The following JPH2 variants were observed in gnomAD, a reference collection of about 807,000 sequenced individuals.
JPH2 encodes junctophilin 2.
A neutral mutation model predicts 55.9 loss-of-function variants in JPH2; 38 were observed. That is an observed-to-expected ratio of 0.68 (90% CI 0.52 to 0.89). The LOEUF (loss-of-function observed/expected upper bound fraction) is 0.89, where lower values mean the gene tolerates loss of function less well. JPH2 is among the 40% of genes least tolerant of loss of function. JPH2 has a pLI of 0.00. For synonymous variants in JPH2, 480 were observed against 472.4 expected (o/e 1.02, Z -0.21); for missense variants, 964 against 1,037.6 (o/e 0.93, Z 0.97).
At chr20:44,114,005 G>A (rs2072166672) in intron 5 of JPH2, among the ~76,000 whole-genome samples, 1 of 152,222 alleles carries the variant, frequency 6.6e-6, no homozygotes, top group East Asian at 1.9e-4. Context: ...GATCAAAAAA[G>A]GGGGCCTGAG....
chr20:44,118,574 C>T lies in JPH2; in HGVS notation c.1219G>A (p.Ala407Thr). Reference protein sequence around the residue: ...KAEAAEQAALAANQESNIART... With the variant: ...KAEAAEQAALTANQESNIART... ...GCAATGTTGGACTCCTGGTTGGCAG[C>T]CAGGGCGGCCTGTTCCGCTGCCTCA... The change falls in exon 3 of 6, where the codon GCT (alanine) becomes ACT (threonine). Residue 407 changes from alanine to threonine, a missense_variant. By Grantham distance (58) the Ala-to-Thr change is moderately conservative. Coordinates refer to ENST00000372980, the MANE Select transcript of JPH2 (RefSeq NM_020433.5). 6.2e-7 allele frequency: 1 copy of T among 1,612,784 alleles called. No individual in the cohort carries two copies. The highest frequency in any genetic ancestry group is 8.5e-7 in the Non-Finnish European group (1 of 1,180,046).
intron 1 of JPH2, among the ~76,000 whole-genome samples, chr20:44,162,785 TATACACACACAC>T (rs1198348508): frequency 4.6e-4 from 23 of 49,992 alleles, no homozygotes; most frequent in African/African-American, 2.1e-3. Context: ...TATATATATA[TATACACACACAC>T]ACACACACAC....
At position 44,111,692 on chromosome 20, in the gene JPH2, A is replaced by G. The variant is rs1378070340; in HGVS notation, c.*1826T>C. Reference sequence around the variant, plus strand: ...CCCACAAGCACATTGCAGCCCAGCCAGAGCCCGTGAGCAGATGCGGGTTTA... The same window carrying G: ...CCCACAAGCACATTGCAGCCCAGCCGGAGCCCGTGAGCAGATGCGGGTTTA... On this transcript the variant is annotated 3_prime_UTR_variant, in exon 6 of 6. Transcript: ENST00000372980. The G allele has an allele frequency of 6.9e-6, 1 of 144,900 alleles. No homozygotes were observed. The allele number at this position is 144,900 out of a possible 1,614,324, so 9.0% of individuals were successfully genotyped here.
chr20:44,168,370 A>C (rs2072672186), intron 1 of JPH2, among the ~76,000 whole-genome samples: 1 of 141,928 alleles, frequency 7.0e-6, no homozygotes, highest in African/African-American at 2.5e-5. Context: ...CACACAAAAA[A>C]AATATTGTGG....
intron 2 of JPH2, among the ~76,000 whole-genome samples, chr20:44,148,596 C>T (rs1238544935): frequency 6.6e-6 from 1 of 152,162 alleles, no homozygotes; most frequent in Non-Finnish European, 1.5e-5. Context: ...CGAAGGCGAC[C>T]CGAGCTGCCG....
chr20:44,160,154 G>A lies in JPH2; in HGVS notation c.633C>T (p.Ala211=), dbSNP rs1372602717. The A allele has an allele frequency of 4.9e-6, 7 of 1,428,548 alleles. No homozygotes were observed. The highest frequency in any genetic ancestry group is 4.6e-5 in the African/African-American group (3 of 65,750). The allele number at this position is 1,428,548 out of a possible 1,614,324, so 88.5% of individuals were successfully genotyped here. ...ALSLLANAEA[A]ARAPKGGGLF... The stretch of plus-strand genomic sequence containing the variant: ...GGCCGCCGCCCTTGGGCGCCCGCGC[G>A]GCCGCCTCGGCATTGGCCAGGAGGC... Residue 211 remains alanine (A), a synonymous_variant, in exon 2 of 6, where the codon GCC becomes GCT. Transcript: ENST00000372980. The surrounding 1 kb of genome is among the most constrained non-coding windows in gnomAD (Gnocchi z 4.9).
At chr20:44,132,355 GACACACACACACAC>G (rs749014190) in intron 2 of JPH2, among the ~76,000 whole-genome samples, 20 of 101,292 alleles carry the variant, frequency 2.0e-4, no homozygotes, top group South Asian at 9.6e-4. Context: ...CAGACAGACA[GACACACACACACAC>G]ACACACACAC....
At chr20:44,154,880 G>A (rs530342138) in intron 2 of JPH2, among the ~76,000 whole-genome samples, 7 of 152,258 alleles carry the variant, frequency 4.6e-5, no homozygotes, top group African/African-American at 1.4e-4. Flanking sequence ...CCATGGGCAC[G>A]CAGGACTCCT....
intron 2 of JPH2, among the ~76,000 whole-genome samples, chr20:44,151,133 A>G (rs760695716): frequency 6.6e-6 from 1 of 152,266 alleles, no homozygotes; most frequent in Non-Finnish European, 1.5e-5. Context: ...CACTCTCTCT[A>G]TTTATATATA....
At chr20:44,140,649 G>A (rs1024648477) in intron 2 of JPH2, among the ~76,000 whole-genome samples, 2 of 151,792 alleles carry the variant, frequency 1.3e-5, no homozygotes, top group African/African-American at 4.8e-5. Context: ...TATGGCACAT[G>A]TCCTCTAGCA....
At chr20:44,162,777 TATATATATATAC>T (rs1320403438) in intron 1 of JPH2, among the ~76,000 whole-genome samples, 55 of 80,478 alleles carry the variant, frequency 6.8e-4, no homozygotes, top group South Asian at 1.5e-3. Context: ...TATATATATA[TATATATATATAC>T]ACACACACAC....
At chr20:44,128,611 TC>T (rs2072293582) in intron 2 of JPH2, among the ~76,000 whole-genome samples, 1 of 151,900 alleles carries the variant, frequency 6.6e-6, no homozygotes, top group African/African-American at 2.4e-5. Context: ...TAAAATGGCT[TC>T]CTCAAAGAAA....
chr20:44,186,289 G>GCACCA (rs752216637), intron 1 of JPH2, 38 bp downstream of exon 1: 2 of 1,602,680 alleles, frequency 1.2e-6, no homozygotes, highest in African/African-American at 2.7e-5. Context: ...ACCCTCCCTG[G>GCACCA]CTCCACCCCA....
intron 2 of JPH2, among the ~76,000 whole-genome samples, chr20:44,134,679 TAAATATTATAAA>T (rs1569195190): frequency 5.9e-5 from 1 of 16,874 alleles, no homozygotes; most frequent in African/African-American, 2.7e-4. Flanking sequence ...TATATATTTA[TAAATATTATAAA>T]TATATATACA....
At chr20:44,156,576 C>CA (rs750962221) in intron 2 of JPH2, among the ~76,000 whole-genome samples, 80 of 152,198 alleles carry the variant, frequency 5.3e-4, no homozygotes, top group Middle Eastern at 6.8e-3. Context: ...TGTCTTCCTC[C>CA]AAAATGGCAC....
intron 2 of JPH2, among the ~76,000 whole-genome samples, chr20:44,158,109 G>A (rs2072578336): frequency 6.6e-6 from 1 of 152,232 alleles, no homozygotes. Context: ...TCCTATTTAA[G>A]TGGTGGGTTA....
rs747676827 is a variant in JPH2, at chr20:44,159,709, T to G, written c.1078A>C (p.Asn360His). The G allele has an allele frequency of 8.7e-6, 14 of 1,613,318 alleles. No individual in the cohort carries two copies. The Admixed American group carries it at 2.2e-4, about 25-fold the overall frequency. ...TGCTCCACTTTCTGGCGGACCTTGT[T>G]GCTCTTGAGCTGCAGCATGCGGCGC... ...TKRRMLQLKS[N>H]KVRQKVEHSV... Residue 360 changes from asparagine (N) to histidine (H), a missense_variant, in exon 2 of 6, where the codon AAC becomes CAC. Asn to His is a moderately conservative substitution (Grantham distance 68, BLOSUM62 1). Coordinates refer to ENST00000372980, the MANE Select transcript of JPH2 (RefSeq NM_020433.5). This position sits in a 1 kb window ranked among gnomAD's most constrained non-coding sequence, Gnocchi z 5.7.
intron 2 of JPH2, among the ~76,000 whole-genome samples, chr20:44,150,836 G>A (rs1194013526): frequency 6.6e-6 from 1 of 152,002 alleles, no homozygotes. Flanking sequence ...GACTAGCCTG[G>A]GCAACATAGC....
intron 3 of JPH2, among the ~76,000 whole-genome samples, chr20:44,118,110 A>AC (rs2072207284): frequency 6.6e-6 from 1 of 151,968 alleles, no homozygotes; most frequent in Non-Finnish European, 1.5e-5. Context: ...CACTTATGTA[A>AC]CCCCAGAGCC....
Sources: gnomAD v4.1 joint callset for allele counts (sites outside exome capture counted in the v4.1 genomes callset) on GRCh38, gnomAD v4.1.1 for gene constraint, Gnocchi (gnomAD v3.1) non-coding constraint, MANE v1.5 for transcripts, NCBI Gene and HGNC (gene_info 2026-07-23, HGNC 2026-07-21) for gene names.